FOXA3: variants seen among roughly 807,000 people sequenced by gnomAD.
The protein encoded by FOXA3 is hepatocyte nuclear factor 3-gamma.
FOXA3 carries 11 observed loss-of-function variants against 16.9 expected under a neutral mutation model. The observed-to-expected ratio is 0.65, with a 90% confidence interval of 0.41 to 1.08. The LOEUF is 1.08. Among genes scored for constraint, FOXA3 ranks in the 50% least tolerant of loss-of-function variants. The probability of loss-of-function intolerance (pLI) is 0.00; values close to 1 mark genes in which losing one functional copy is unlikely to be tolerated. For missense variants in FOXA3, 423 were observed against 470.1 expected (o/e 0.90, Z 0.93); for synonymous variants, 217 against 203.3 (o/e 1.07, Z -0.57).
At chr19:45,867,841 G>A (rs1294819428) in intron 1 of FOXA3, among the ~76,000 whole-genome samples, 1 of 151,302 alleles carries the variant, frequency 6.6e-6, no homozygotes, top group Non-Finnish European at 1.5e-5. Context: ...TGGGAGTTGG[G>A]GTTGGGAGGG....
chr19:45,872,826 G>A lies in FOXA3; in HGVS notation c.821G>A (p.Gly274Asp), dbSNP rs776446460. The A allele has an allele frequency of 6.2e-7, 1 of 1,612,798 alleles. No individual in the cohort carries two copies. Among genetic ancestry groups the A allele is most frequent in the East Asian group, 2.2e-5 (1 of 44,878 alleles). ...GGEDVGALDCGSPASSTPYFT... is the reference protein window; with the variant it reads ...GGEDVGALDCDSPASSTPYFT... ...GAAGATGTGGGGGCTCTGGACTGTG[G>A]CTCACCCGCTTCCTCCACACCCTAT... The change falls in exon 2 of 2, where the codon GGC becomes GAC. Residue 274 changes from glycine (G) to aspartate (D), a missense_variant. This residue lies in a region of FOXA3 where 168 missense variants were observed against 179.3 expected (regional missense o/e 0.94). Transcript: ENST00000302177. The surrounding 1 kb of genome is among the most constrained non-coding windows in gnomAD (Gnocchi z 4.5).
chr19:45,864,494 C>T lies in FOXA3; in HGVS notation c.38C>T (p.Ala13Val). The T allele has an allele frequency of 6.5e-7, 1 of 1,546,564 alleles. No homozygotes were observed. The highest frequency in any genetic ancestry group is 8.7e-7 in the Non-Finnish European group (1 of 1,144,788). Residue 13 changes from alanine (A) to valine (V), a missense_variant, in exon 1 of 2, where the codon GCC becomes GTC. Around this residue, in one of 3 missense-constraint regions of FOXA3, gnomAD observed 170 missense variants for 153.9 expected, o/e 1.10. Transcript: ENST00000302177. ...GTGAAGATGGAGGCCCATGACCTGGCCGAGTGGAGCTACTACCCGGAGGCG... is the reference window on the plus strand; with the variant it reads ...GTGAAGATGGAGGCCCATGACCTGGTCGAGTGGAGCTACTACCCGGAGGCG... ...GSVKMEAHDL[A>V]EWSYYPEAGE... is the part of the protein sequence containing the mutation.
intron 1 of FOXA3, among the ~76,000 whole-genome samples, 172 bp from the exon 2 acceptor site, chr19:45,871,903 A>G (rs1966907890): frequency 6.6e-6 from 1 of 152,132 alleles, no homozygotes; most frequent in African/African-American, 2.4e-5. Context: ...GGGCGTGTCC[A>G]GGGAGTGAGG....
chr19:45,868,328 C>G (rs747361551), intron 1 of FOXA3, among the ~76,000 whole-genome samples: 12 of 151,994 alleles, frequency 7.9e-5, no homozygotes, highest in Non-Finnish European at 1.3e-4. Context: ...GGCTATAATC[C>G]CAACACTTTG....
rs57130561 is a variant in FOXA3, at chr19:45,867,932, C to T, written c.69+3407C>T. Among the ~76,000 whole-genome samples, 836 of 145,938 alleles carry T rather than the reference C, an allele frequency of 5.7e-3. 10 individuals are homozygous for T. The highest frequency in any genetic ancestry group is 0.02 in the African/African-American group (799 of 39,184). Reference sequence around the variant, plus strand: ...GAAGGATGGAGAGAGAGACAGGGGCCGAGATGGAGGGGAAAGAAAGATGGG... The same window carrying T: ...GAAGGATGGAGAGAGAGACAGGGGCTGAGATGGAGGGGAAAGAAAGATGGG... On this transcript the variant is annotated intron_variant, in intron 1 of 1. Coordinates refer to ENST00000302177, the MANE Select transcript of FOXA3 (RefSeq NM_004497.3).
chr19:45,870,729 C>T (rs1374191086), intron 1 of FOXA3, among the ~76,000 whole-genome samples: 2 of 151,862 alleles, frequency 1.3e-5, no homozygotes, highest in East Asian at 1.9e-4. Flanking sequence ...GCCACGATGC[C>T]GGCTGATTTT....
In FOXA3 at chr19:45,872,668, A is replaced by G. The variant is rs1966920148; in HGVS notation, c.663A>G (p.Lys221=). 1.7e-5 allele frequency: 27 copies of G among 1,612,314 alleles called. No homozygotes were observed. Among genetic ancestry groups the G allele is most frequent in the Non-Finnish European group, 2.3e-5 (27 of 1,179,256 alleles). The change falls in exon 2 of 2, where the codon AAA becomes AAG. Residue 221 remains lysine (K), a synonymous_variant. Coordinates refer to ENST00000302177, the MANE Select transcript of FOXA3 (RefSeq NM_004497.3). The surrounding 1 kb of genome is among the most constrained non-coding windows in gnomAD (Gnocchi z 4.5). ...KRFKLEEKVK[K]GGSGAATTTR... ...TCAAGCTGGAGGAGAAGGTGAAAAA[A>G]GGGGGCAGCGGGGCTGCCACCACCA...
chr19:45,873,213 G>A lies in FOXA3; in HGVS notation c.*155G>A. 1 of 1,207,470 alleles carries A rather than the reference G, an allele frequency of 8.3e-7. No homozygotes were observed. Among genetic ancestry groups the A allele is most frequent in the Non-Finnish European group, 1.2e-6 (1 of 865,758 alleles). The allele number at this position is 1,207,470 out of a possible 1,614,324, so 74.8% of individuals were successfully genotyped here. The stretch of plus-strand genomic sequence containing the variant: ...TGACTGCTGTCTCAGTGGGCATGGT[G>A]TTGATCCACGGGGTACTGTGATAAC... On this transcript the variant is annotated 3_prime_UTR_variant, in exon 2 of 2. Coordinates refer to ENST00000302177, the MANE Select transcript of FOXA3 (RefSeq NM_004497.3).
intron 1 of FOXA3, among the ~76,000 whole-genome samples, chr19:45,865,918 C>T (rs181838320): frequency 2.8e-4 from 43 of 152,166 alleles, no homozygotes; most frequent in African/African-American, 9.9e-4. Flanking sequence ...TGGGGGTGAT[C>T]CCAGCTGGAC....
Position 45,872,156 on chromosome 19 carries a change from C to T in FOXA3, c.151C>T (p.Pro51Ser). ...CCTGAATCCTCTAAGCTCTCCCTAT[C>T]CCCCTGGGGGGCTCCCTGCCTCCCC... ...MTLNPLSSPYPPGGLPASPLP... is the reference protein window; with the variant it reads ...MTLNPLSSPYSPGGLPASPLP... Residue 51 changes from proline (P) to serine (S), a missense_variant, in exon 2 of 2, where the codon CCC becomes TCC. By Grantham distance (74) the Pro-to-Ser change is moderately conservative. Around this residue, in one of 3 missense-constraint regions of FOXA3, gnomAD observed 170 missense variants for 153.9 expected, o/e 1.10. Coordinates refer to ENST00000302177, the MANE Select transcript of FOXA3 (RefSeq NM_004497.3). The surrounding 1 kb of genome is among the most constrained non-coding windows in gnomAD (Gnocchi z 4.5). 6.3e-7 allele frequency: 1 copy of T among 1,589,528 alleles called. No individual in the cohort carries two copies. Among genetic ancestry groups the T allele is most frequent in the Non-Finnish European group, 8.6e-7 (1 of 1,167,926 alleles).
chr19:45,866,048 G>A (rs1460440435), intron 1 of FOXA3, among the ~76,000 whole-genome samples: 1 of 152,128 alleles, frequency 6.6e-6, no homozygotes, highest in East Asian at 1.9e-4. Flanking sequence ...CTAGGCAGGA[G>A]GAGTTGATAT....
At chr19:45,866,314 G>C (rs1972085118) in intron 1 of FOXA3, among the ~76,000 whole-genome samples, 1 of 152,088 alleles carries the variant, frequency 6.6e-6, no homozygotes. Context: ...GGGAGGCTGA[G>C]GTGGGAGGAT....
Position 45,873,114 on chromosome 19 carries a change from G to C in FOXA3, c.*56G>C. Reference sequence around the variant, plus strand: ...CTGGAGCTCACACCACGAAGCTCTTGGGGCCTGATCCTTCTGGTGACACTT... The same window carrying C: ...CTGGAGCTCACACCACGAAGCTCTTCGGGCCTGATCCTTCTGGTGACACTT... On this transcript the variant is annotated 3_prime_UTR_variant, in exon 2 of 2. Coordinates refer to ENST00000302177, the MANE Select transcript of FOXA3 (RefSeq NM_004497.3). The C allele has an allele frequency of 6.4e-7, 1 of 1,553,136 alleles. No individual in the cohort carries two copies. Among genetic ancestry groups the C allele is most frequent in the African/African-American group, 1.4e-5 (1 of 73,346 alleles).
intron 1 of FOXA3, among the ~76,000 whole-genome samples, chr19:45,868,832 T>C (rs1195397234): frequency 1.3e-5 from 2 of 152,336 alleles, no homozygotes; most frequent in South Asian, 2.1e-4. Flanking sequence ...GCCTATGTTT[T>C]CCTGGCGTGT....
rs767112969 is a variant in FOXA3, at chr19:45,872,908, C to T, written c.903C>T (p.Asn301=). 56 of 1,614,052 alleles carry T rather than the reference C, an allele frequency of 3.5e-5. No homozygotes were observed. Among genetic ancestry groups the T allele is most frequent in the Middle Eastern group, 1.6e-4 (1 of 6,084 alleles). Residue 301 remains asparagine (N), a synonymous_variant, in exon 2 of 2, where the codon AAC becomes AAT. Coordinates refer to ENST00000302177, the MANE Select transcript of FOXA3 (RefSeq NM_004497.3). The surrounding 1 kb of genome is among the most constrained non-coding windows in gnomAD (Gnocchi z 4.5). The part of the protein sequence containing the change: ...ELKLDAPYNF[N]HPFSINNLMS... The stretch of plus-strand genomic sequence containing the variant: ...AGCTGGACGCGCCCTACAACTTCAA[C>T]CACCCTTTCTCCATCAACAACCTAA...
intron 1 of FOXA3, among the ~76,000 whole-genome samples, chr19:45,864,876 G>A (rs1972066642): frequency 6.6e-6 from 1 of 152,156 alleles, no homozygotes; most frequent in South Asian, 2.1e-4. Context: ...CAGGGTAGGG[G>A]ACAGACTAGG....
chr19:45,868,112 C>T (rs908586796), intron 1 of FOXA3, among the ~76,000 whole-genome samples: 24 of 151,962 alleles, frequency 1.6e-4, no homozygotes, highest in Admixed American at 1.6e-3. Context: ...AAATAGCCAA[C>T]AGAGATTCAA....
Sources: gnomAD v4.1 joint callset for allele counts (sites outside exome capture counted in the v4.1 genomes callset) on GRCh38, gnomAD v4.1.1 for gene constraint, gnomAD v4.1.1 regional missense constraint, Gnocchi (gnomAD v3.1) non-coding constraint, MANE v1.5 for transcripts, NCBI Gene and HGNC (gene_info 2026-07-23, HGNC 2026-07-21) for gene names.